Variants in CHI3L2 observed in about 807,000 individuals in gnomAD.
The protein encoded by CHI3L2 is chitinase-3-like protein 2.
A neutral mutation model predicts 47.3 loss-of-function variants in CHI3L2; 47 were observed. That is an observed-to-expected ratio of 0.99 (90% confidence interval 0.79 to 1.27). The LOEUF (loss-of-function observed/expected upper bound fraction) is 1.27, where lower values mean the gene tolerates loss of function less well. Ranked by LOEUF, CHI3L2 falls within the 50% of genes most tolerant of loss-of-function variation. The pLI is 0.00. For missense variants in CHI3L2, 497 were observed against 462.1 expected (o/e 1.08, Z -0.69); for synonymous variants, 198 against 169.9 (o/e 1.17, Z -1.28).
intron 10 of CHI3L2, 108 bp downstream of exon 10, chr1:111,242,474 T>C (rs1660091184): frequency 1.6e-6 from 2 of 1,236,108 alleles, no homozygotes; most frequent in Non-Finnish European, 2.2e-6. Flanking sequence ...TTTCTCATGC[T>C]CCTTTGGCTC....
rs145932809 is a variant in CHI3L2 at position 111,238,913 on chromosome 1, G to C, written c.899G>C (p.Gly300Ala). Reference protein sequence around the residue: ...GAAGPITESSGFLAYYEICQF... With the variant: ...GAAGPITESSAFLAYYEICQF... ...GCTGGACCCATCACAGAGTCTTCAG[G>C]CTTCCTGGCCTATTATGAGGTACCT... Residue 300 changes from glycine to alanine, a missense_variant, in exon 8 of 11, where the codon GGC (glycine) becomes GCC (alanine). Gly to Ala is a moderately conservative substitution (Grantham distance 60). Transcript: ENST00000369748. 5.7e-5 allele frequency: 91 copies of C among 1,603,756 alleles called. No individual in the cohort carries two copies. In the African/African-American group the frequency reaches 1.1e-3, roughly 19 times the overall value.
At chr1:111,227,665 C>A, upstream of CHI3L2, 1 of 1,493,232 alleles carries the variant, frequency 6.7e-7, no homozygotes, top group Non-Finnish European at 9.3e-7. Flanking sequence ...GTAGGACAGG[C>A]TGTCGAAACC....
intron 4 of CHI3L2, among the ~76,000 whole-genome samples, chr1:111,232,806 TC>T (rs1050173052): frequency 1.8e-4 from 28 of 152,240 alleles, no homozygotes; most frequent in Non-Finnish European, 3.1e-4. Context: ...ATTGGAGGCA[TC>T]TGCCCAGAGG....
At position 111,241,356 on chromosome 1, in the gene CHI3L2, C is replaced by A. The variant is rs558518943; in HGVS notation, c.948C>A (p.Ile316=). The change falls in exon 9 of 11, where the codon ATC becomes ATA. Residue 316 remains isoleucine, a synonymous_variant. Transcript: ENST00000369748. Reference sequence around the variant, plus strand: ...GCCAGTTCCTGAAAGGAGCCAAGATCACGCGGCTCCAGGATCAGCAGGTTC... The same window carrying A: ...GCCAGTTCCTGAAAGGAGCCAAGATAACGCGGCTCCAGGATCAGCAGGTTC... ...EICQFLKGAK[I]TRLQDQQVPY... 3 of 1,600,126 alleles carry A rather than the reference C, an allele frequency of 1.9e-6. No individual in the cohort carries two copies. In the African/African-American group the frequency reaches 4.0e-5, roughly 21 times the overall value.
chr1:111,231,175 TCTTTAGAC>T, intron 3 of CHI3L2, 55 bp from the exon 4 acceptor site: 2 of 1,399,862 alleles, frequency 1.4e-6, no homozygotes, highest in Non-Finnish European at 2.0e-6. Flanking sequence ...AGAACTCTGT[TCTTTAGAC>T]AAAGGCTTCC....
At chr1:111,229,976 C>T in intron 2 of CHI3L2, 95 bp downstream of exon 2, 2 of 1,348,424 alleles carry the variant, frequency 1.5e-6, no homozygotes, top group Non-Finnish European at 2.1e-6. Flanking sequence ...TGCTTTTTCT[C>T]TTGATTACTC....
At chr1:111,230,641 G>A (rs1164226328) in intron 2 of CHI3L2, 101 bp from the exon 3 acceptor site, 2 of 963,066 alleles carry the variant, frequency 2.1e-6, no homozygotes, top group Non-Finnish European at 3.2e-6. Flanking sequence ...CTGGCAGAAT[G>A]AGCAAATGAT....
Position 111,229,837 on chromosome 1 carries a change from A to T in CHI3L2, c.41-15A>T. On this transcript the variant is annotated splice_polypyrimidine_tract_variant and intron_variant, in intron 1 of 10. Coordinates refer to ENST00000369748, the MANE Select transcript of CHI3L2 (RefSeq NM_004000.3). ...TTTGGCTCAACAGATTTCTCTTTCC[A>T]CCCATCTATTGCAGGTGTAGTGGTC... is the stretch of plus-strand genomic sequence containing the variant. 6.2e-7 allele frequency: 1 copy of T among 1,613,728 alleles called. No individual in the cohort carries two copies.
rs1169128532 is a variant in CHI3L2, at chr1:111,238,815, C to G, written c.801C>G (p.Pro267=). Residue 267 remains proline (P), a synonymous_variant, in exon 8 of 11, where the codon CCC becomes CCG. Transcript: ENST00000369748. ...CAGAGAAGGTGGTCATGGGCATCCC[C>G]ACATATGGGCACTCCTTCACACTGG... ...MPSEKVVMGI[P]TYGHSFTLAS... is the part of the protein sequence containing the mutation. 1 of 1,614,070 alleles carries G rather than the reference C, an allele frequency of 6.2e-7. No individual in the cohort carries two copies.
intron 3 of CHI3L2, 140 bp downstream of exon 3, chr1:111,231,083 T>C: frequency 1.0e-6 from 1 of 956,252 alleles, no homozygotes; most frequent in Non-Finnish European, 1.6e-6. Flanking sequence ...TCCTAACTGT[T>C]CTCACCAGTG....
chr1:111,237,508 A>G (rs6682343), intron 7 of CHI3L2, among the ~76,000 whole-genome samples: 3,476 of 152,298 alleles, frequency 0.023, 125 homozygotes, highest in African/African-American at 0.077. Context: ...CACAAAATGG[A>G]TCGGTCCAGA....
Position 111,238,760 on chromosome 1 carries a change from T to C in CHI3L2, c.746T>C (p.Val249Ala), listed in dbSNP as rs777731709. 2 of 1,613,862 alleles carry C rather than the reference T, an allele frequency of 1.2e-6. No homozygotes were observed. The highest frequency in any genetic ancestry group is 1.7e-6 in the Non-Finnish European group (2 of 1,179,870). The change falls in exon 8 of 11, where the codon GTG becomes GCG. Residue 249 changes from valine (V) to alanine (A), a missense_variant. Coordinates refer to ENST00000369748, the MANE Select transcript of CHI3L2 (RefSeq NM_004000.3). ...PSSYYNVEYA[V>A]GYWIHKGMPS... is the part of the protein sequence containing the mutation. ...CTCTTCCCATTCTAGGAATATGCTG[T>C]GGGGTACTGGATACATAAGGGAATG...
chr1:111,241,497 A>G, intron 9 of CHI3L2, 54 bp downstream of exon 9: 1 of 891,622 alleles, frequency 1.1e-6, no homozygotes, highest in Non-Finnish European at 1.9e-6. Flanking sequence ...GATATGTAGT[A>G]AAATGCCTGA....
chr1:111,238,967 C>A, intron 8 of CHI3L2, 35 bp downstream of exon 8: 2 of 1,530,918 alleles, frequency 1.3e-6, no homozygotes, highest in Non-Finnish European at 1.8e-6. Context: ...CAGCTCCCTG[C>A]CATGTCTGGG....
Position 111,242,053 on chromosome 1 carries a change from T to C in CHI3L2, c.1036-174T>C, listed in dbSNP as rs779731754. Among the ~76,000 whole-genome samples, 3 of 152,250 alleles carry C rather than the reference T, an allele frequency of 2.0e-5. No homozygotes were observed. In the Middle Eastern group the frequency reaches 0.01, roughly 518 times the overall value. On this transcript the variant is annotated intron_variant, in intron 9 of 10. Transcript: ENST00000369748. Reference sequence around the variant, plus strand: ...CAGAATGAGATGTAGCTAATGCTGATTTGGTGGCTCTCTCTCCCTGAGCAA... The same window carrying C: ...CAGAATGAGATGTAGCTAATGCTGACTTGGTGGCTCTCTCTCCCTGAGCAA...
At chr1:111,228,061 C>G (rs1366764221) in intron 1 of CHI3L2, among the ~76,000 whole-genome samples, 1 of 152,224 alleles carries the variant, frequency 6.6e-6, no homozygotes, top group Non-Finnish European at 1.5e-5. Flanking sequence ...AGAGGCCAAG[C>G]TTTCTTAGTC....
At chr1:111,229,733 C>G (rs1659653106) in intron 1 of CHI3L2, 119 bp from the exon 2 acceptor site, 1 of 1,391,018 alleles carries the variant, frequency 7.2e-7, no homozygotes, top group Admixed American at 2.6e-5. Flanking sequence ...GGCTGGGGAG[C>G]CCAGATGAAG....
At chr1:111,231,858 A>G (rs552500256) in intron 4 of CHI3L2, among the ~76,000 whole-genome samples, 2 of 152,222 alleles carry the variant, frequency 1.3e-5, no homozygotes, top group Non-Finnish European at 2.9e-5. Flanking sequence ...TCGAAATAAT[A>G]TTTTCTATTC....
At chr1:111,228,508 G>A (rs915075819) in intron 1 of CHI3L2, among the ~76,000 whole-genome samples, 8 of 152,212 alleles carry the variant, frequency 5.3e-5, no homozygotes, top group Non-Finnish European at 7.3e-5. Context: ...CCGTAGGGAG[G>A]CCACACTTTG....
Sources: allele counts gnomAD v4.1 joint callset (sites outside exome capture counted in the v4.1 genomes callset), GRCh38; gene constraint gnomAD v4.1.1; transcripts MANE v1.5; gene names NCBI Gene and HGNC (gene_info 2026-07-23, HGNC 2026-07-21).